SERPINB8: variants seen among roughly 807,000 people sequenced by gnomAD.
SERPINB8 encodes the protein serpin B8.
Under a neutral mutation model 35.3 loss-of-function variants are expected in SERPINB8, and 25 were observed. The observed-to-expected ratio is 0.71, with a 90% CI of 0.52 to 0.99. SERPINB8 has a LOEUF of 0.99. Among genes scored for constraint, SERPINB8 ranks in the 50% least tolerant of loss-of-function variants. SERPINB8 has a pLI of 0.00. For missense variants in SERPINB8, 484 were observed against 446.5 expected (o/e 1.08, Z -0.76); for synonymous variants, 186 against 160.8 (o/e 1.16, Z -1.19).
chr18:63,977,488 T>G (rs2050600164), intron 1 of SERPINB8, among the ~76,000 whole-genome samples: 1 of 152,080 alleles, frequency 6.6e-6, no homozygotes, highest in Non-Finnish European at 1.5e-5. Flanking sequence ...CCACCATGCC[T>G]GGATAATTTT....
downstream of SERPINB8, among the ~76,000 whole-genome samples, chr18:63,992,866 G>T (rs763986542): frequency 1.3e-5 from 2 of 151,726 alleles, no homozygotes; most frequent in South Asian, 4.2e-4. Flanking sequence ...TCGGGTAATT[G>T]TCAGTCGGCC....
At chr18:63,994,532 C>G (rs2050839486) in intron 1 of SERPINB8, among the ~76,000 whole-genome samples, 1 of 152,128 alleles carries the variant, frequency 6.6e-6, no homozygotes, top group African/African-American at 2.4e-5. Flanking sequence ...TGCCAGTGGA[C>G]CCCGCAGGGC....
At chr18:63,982,369 C>G (rs1389722085) in intron 4 of SERPINB8, among the ~76,000 whole-genome samples, 1 of 152,148 alleles carries the variant, frequency 6.6e-6, no homozygotes, top group Non-Finnish European at 1.5e-5. Flanking sequence ...GTGTTCCCTG[C>G]CCAGACCACA....
At position 63,981,175 on chromosome 18, in the gene SERPINB8, C is replaced by T. The variant is rs149193461; in HGVS notation, c.307-546C>T. 4.6e-4 allele frequency among the ~76,000 whole-genome samples: 70 copies of T among 152,344 alleles called. 1 individual carries two copies. The highest frequency in any genetic ancestry group is 1.6e-3 in the African/African-American group (65 of 41,588). ...TGCACACACACCCTATGATCCAGGC[C>T]TATCACGCTCCATTCCCATGGGGCC... is the stretch of plus-strand genomic sequence containing the variant. On this transcript the variant is annotated intron_variant, in intron 3 of 6. Coordinates refer to ENST00000397985, the MANE Select transcript of SERPINB8 (RefSeq NM_002640.4).
chr18:64,013,632 CTAAG>C lies in SERPINB8; in HGVS notation c.*3-5276_*3-5273del, dbSNP rs201719639. On this transcript the variant is annotated intron_variant, in intron 7 of 7. Transcript: ENST00000636430. ...ACAATATAATTATTAACTGTCCTAA[CTAAG>C]TGTTAAGAAAGGAAGCAAAGAATGC... Among the ~76,000 whole-genome samples, 4 of 152,108 alleles carry C rather than the reference CTAAG, an allele frequency of 2.6e-5. No individual in the cohort carries two copies. In the East Asian group the frequency reaches 7.7e-4, roughly 29 times the overall value.
intron 1 of SERPINB8, among the ~76,000 whole-genome samples, chr18:63,998,046 C>T (rs565354752): frequency 6.6e-6 from 1 of 152,308 alleles, no homozygotes; most frequent in South Asian, 2.1e-4. Flanking sequence ...CTATTATCTT[C>T]AAAAGATGCC....
At chr18:63,994,506 CG>C (rs1463090962) in intron 1 of SERPINB8, among the ~76,000 whole-genome samples, 1 of 152,162 alleles carries the variant, frequency 6.6e-6, no homozygotes, top group Non-Finnish European at 1.5e-5. Flanking sequence ...AGCCATGCCA[CG>C]GGGTGTCTGG....
rs2050441051 is a variant in SERPINB8, at chr18:63,970,153, C to T, written c.-28C>T. The T allele has an allele frequency of 5.5e-6, 2 of 365,852 alleles. No individual in the cohort carries two copies. Among genetic ancestry groups the T allele is most frequent in the Admixed American group, 3.2e-5 (1 of 30,850 alleles). The allele number at this position is 365,852 out of a possible 1,614,324, so 22.7% of individuals were successfully genotyped here. On this transcript the variant is annotated 5_prime_UTR_variant, in exon 1 of 7. Coordinates refer to ENST00000397985, the MANE Select transcript of SERPINB8 (RefSeq NM_002640.4). ...GCAGCGGCGGCGGCGGCGGCGGCAG[C>T]AGCAGCAGCAGCAGGAGGTGGGGGC... is the stretch of plus-strand genomic sequence containing the variant.
downstream of SERPINB8, among the ~76,000 whole-genome samples, chr18:63,991,805 A>T (rs1017346684): frequency 1.3e-5 from 2 of 152,210 alleles, no homozygotes; most frequent in African/African-American, 4.8e-5. Flanking sequence ...TAGGCTTTTC[A>T]TAGGTGCCCT....
chr18:63,983,344 A>G (rs147433743), intron 4 of SERPINB8, among the ~76,000 whole-genome samples: 70 of 152,276 alleles, frequency 4.6e-4, no homozygotes, highest in Admixed American at 1.6e-3. Flanking sequence ...CTACATCCAT[A>G]AATTGAGGGC....
At chr18:64,004,402 A>G (rs1387454924) in intron 1 of SERPINB8, among the ~76,000 whole-genome samples, 1 of 152,210 alleles carries the variant, frequency 6.6e-6, no homozygotes, top group East Asian at 1.9e-4. Flanking sequence ...AAAAAGCCCT[A>G]GAGAACTTGA....
chr18:63,987,592 A>AGCCCTCTAT lies in SERPINB8; in HGVS notation c.*321_*322insATGCCCTCT, dbSNP rs947488186. The AGCCCTCTAT allele has an allele frequency of 9.5e-6, 2 of 210,822 alleles. No individual in the cohort carries two copies. Among genetic ancestry groups the AGCCCTCTAT allele is most frequent in the African/African-American group, 9.4e-5 (2 of 21,360 alleles). The allele number at this position is 210,822 out of a possible 1,614,324, so 13.1% of individuals were successfully genotyped here. On this transcript the variant is annotated 3_prime_UTR_variant, in exon 7 of 7. Transcript: ENST00000397985. ...GGAGCATCTCAGGGCTTCAGGAGCC[A>AGCCCTCTAT]GCCCTCTTCCATCCGCCCGGCTCTG...
At chr18:64,007,342 C>G (rs907279205), downstream of SERPINB8, among the ~76,000 whole-genome samples, 2 of 152,120 alleles carry the variant, frequency 1.3e-5, no homozygotes, top group African/African-American at 2.4e-5. Flanking sequence ...TTAACGTTCT[C>G]CCATAGAGAA....
downstream of SERPINB8, among the ~76,000 whole-genome samples, chr18:64,009,303 A>G (rs2050914956): frequency 6.6e-6 from 1 of 152,234 alleles, no homozygotes; most frequent in Non-Finnish European, 1.5e-5. Flanking sequence ...ATTCTAGTCC[A>G]AATCCTAGCA....
At chr18:63,998,996 A>G (rs2050862440) in intron 1 of SERPINB8, among the ~76,000 whole-genome samples, 1 of 152,204 alleles carries the variant, frequency 6.6e-6, no homozygotes, top group South Asian at 2.1e-4. Flanking sequence ...CTAAGAATGA[A>G]TTAAGAGCAC....
At chr18:63,973,263 G>A (rs933480191) in intron 1 of SERPINB8, among the ~76,000 whole-genome samples, 7 of 152,128 alleles carry the variant, frequency 4.6e-5, no homozygotes, top group South Asian at 2.1e-4. Flanking sequence ...GTTTTTTCAC[G>A]TGTCTGTTGC....
chr18:63,990,264 C>T (rs7228850), downstream of SERPINB8, among the ~76,000 whole-genome samples: 503 of 151,836 alleles, frequency 3.3e-3, no homozygotes, highest in African/African-American at 0.012. Flanking sequence ...TTAGTAGATA[C>T]AGGGTTTCCC....
At chr18:64,013,373 A>G (rs1191368287) in intron 7 of SERPINB8, among the ~76,000 whole-genome samples, 1 of 152,086 alleles carries the variant, frequency 6.6e-6, no homozygotes, top group Non-Finnish European at 1.5e-5. Flanking sequence ...ATACCCTCCT[A>G]TCTCCAAACC....
rs1323150948 is a variant in SERPINB8 at position 63,987,864 on chromosome 18, T to C, written c.*586T>C. 6.5e-6 allele frequency: 1 copy of C among 152,700 alleles called. No individual in the cohort carries two copies. The highest frequency in any genetic ancestry group is 1.5e-5 in the Non-Finnish European group (1 of 68,436). 9.5% of individuals were successfully genotyped at this position (152,700 alleles called of 1,614,324 possible). A position where few individuals can be genotyped will look rare whatever the true frequency, so the allele number is the denominator to read the frequency against. On this transcript the variant is annotated 3_prime_UTR_variant, in exon 7 of 7. Transcript: ENST00000397985. ...AGATACAAGTTCAGGGACTCAGCAA[T>C]GCACTTTAGGACTGAGCTAGGAGGC...
Sources: allele counts gnomAD v4.1 joint callset (sites outside exome capture counted in the v4.1 genomes callset), GRCh38; gene constraint gnomAD v4.1.1; transcripts MANE v1.5; gene names NCBI Gene and HGNC (gene_info 2026-07-23, HGNC 2026-07-21).